WWOX: variants seen among roughly 807,000 people sequenced by gnomAD.
The protein encoded by WWOX is WW domain containing oxidoreductase, also known as WW domain-containing oxidoreductase.
WWOX carries 69 observed loss-of-function variants against 46.2 expected under a neutral mutation model. The observed-to-expected ratio is 1.49, with a 90% confidence interval of 1.23 to 1.82. The LOEUF is 1.82. WWOX is among the 40% of genes most tolerant of loss of function. WWOX has a pLI of 0.00. For missense variants in WWOX, 919 were observed against 542.6 expected (o/e 1.69, Z -6.89); for synonymous variants, 359 against 202.6 (o/e 1.77, Z -6.56).
chr16:79,129,074 A>C (rs1337888485), intron 8 of WWOX, among the ~76,000 whole-genome samples: 1 of 152,122 alleles, frequency 6.6e-6, no homozygotes, highest in African/African-American at 2.4e-5. Context: ...TTATGCTGAG[A>C]GTTTGCAAGT....
At chr16:78,594,101 A>C (rs1171881716) in intron 8 of WWOX, among the ~76,000 whole-genome samples, 2 of 152,032 alleles carry the variant, frequency 1.3e-5, no homozygotes, top group African/African-American at 2.4e-5. Context: ...TGATAAAGTC[A>C]CTTCTCAACT....
intron 8 of WWOX, among the ~76,000 whole-genome samples, chr16:78,795,934 A>C (rs2050724486): frequency 6.6e-6 from 1 of 152,212 alleles, no homozygotes; most frequent in Admixed American, 6.5e-5. Context: ...AACGAAATGG[A>C]AGATAATTGA....
At chr16:78,565,470 A>G (rs150728060) in intron 8 of WWOX, among the ~76,000 whole-genome samples, 299 of 151,994 alleles carry the variant, frequency 2.0e-3, no homozygotes, top group African/African-American at 6.9e-3. Flanking sequence ...CATCTCCTTT[A>G]CTGATTCCTC....
chr16:78,963,879 A>G (rs2046317799), intron 8 of WWOX, among the ~76,000 whole-genome samples: 2 of 152,266 alleles, frequency 1.3e-5, no homozygotes, highest in African/African-American at 2.4e-5. Context: ...GAGGTAATTG[A>G]ATCATGGGGG....
chr16:78,862,449 G>A (rs969060661), intron 8 of WWOX, among the ~76,000 whole-genome samples: 1 of 151,634 alleles, frequency 6.6e-6, no homozygotes, highest in Admixed American at 6.6e-5. Flanking sequence ...TATATATATA[G>A]TATTCAATAT....
At chr16:78,419,625 C>CGAAAAAAAAAAAAA (rs1491558183) in intron 6 of WWOX, among the ~76,000 whole-genome samples, 1 of 44,692 alleles carries the variant, frequency 2.2e-5, no homozygotes. Flanking sequence ...CAAAAAATAG[C>CGAAAAAAAAAAAAA]AAAAAAAAAA....
chr16:78,330,610 T>C (rs8059699), intron 5 of WWOX, among the ~76,000 whole-genome samples: 20,657 of 152,236 alleles, frequency 0.14, 1,609 homozygotes, highest in East Asian at 0.31. Context: ...TTGGCCGGGA[T>C]GCTCTCGATC....
chr16:78,392,234 C>G (rs1232563541), intron 6 of WWOX, among the ~76,000 whole-genome samples: 1 of 152,090 alleles, frequency 6.6e-6, no homozygotes, highest in African/African-American at 2.4e-5. Flanking sequence ...CCTGTCAGAT[C>G]AGCAACAGCA....
At chr16:78,220,821 A>G (rs1215177185) in intron 5 of WWOX, among the ~76,000 whole-genome samples, 1 of 152,194 alleles carries the variant, frequency 6.6e-6, no homozygotes, top group Non-Finnish European at 1.5e-5. Flanking sequence ...AGGTTGTTCT[A>G]CAGAGAAACA....
intron 8 of WWOX, among the ~76,000 whole-genome samples, chr16:78,776,495 C>A (rs1279425532): frequency 6.6e-6 from 1 of 152,058 alleles, no homozygotes; most frequent in Non-Finnish European, 1.5e-5. Context: ...TAAATAGCAC[C>A]TGGAAAAGTG....
Position 79,003,441 on chromosome 16 carries a change from G to A in WWOX, c.1057-208167G>A, listed in dbSNP as rs113527508. Among the ~76,000 whole-genome samples the A allele has an allele frequency of 7.2e-3, 1,100 of 152,260 alleles. 9 individuals are homozygous for A. The highest frequency in any genetic ancestry group is 0.025 in the African/African-American group (1,048 of 41,526). On this transcript the variant is annotated intron_variant, in intron 8 of 8. Transcript: ENST00000566780. ...CTTATCTATTGCTGAGTAACAAGGT[G>A]TACCCCTCAATTTACTGGCGTAAAA... is the stretch of plus-strand genomic sequence containing the variant.
chr16:78,597,943 G>A (rs1597326181), intron 8 of WWOX, among the ~76,000 whole-genome samples: 1 of 152,030 alleles, frequency 6.6e-6, no homozygotes, highest in African/African-American at 2.4e-5. Context: ...TTTGGGTCAT[G>A]TTTTGCGGTA....
chr16:78,368,224 G>A (rs2151918786), intron 5 of WWOX, among the ~76,000 whole-genome samples: 1 of 152,286 alleles, frequency 6.6e-6, no homozygotes, highest in East Asian at 1.9e-4. Flanking sequence ...GTTCTCAAAA[G>A]CCTTCAATTA....
intron 8 of WWOX, among the ~76,000 whole-genome samples, chr16:78,718,708 G>A (rs568645526): frequency 2.0e-5 from 3 of 152,056 alleles, no homozygotes; most frequent in African/African-American, 7.3e-5. Context: ...ACACTACCTA[G>A]ATAGCTTAGG....
At chr16:78,717,821 C>T (rs769344304) in intron 8 of WWOX, among the ~76,000 whole-genome samples, 2 of 152,064 alleles carry the variant, frequency 1.3e-5, no homozygotes, top group Admixed American at 1.3e-4. Flanking sequence ...TTTCTCCTTC[C>T]TGCTATTTAT....
intron 8 of WWOX, among the ~76,000 whole-genome samples, chr16:78,913,620 A>T (rs1348369860): frequency 6.6e-6 from 1 of 151,464 alleles, no homozygotes; most frequent in African/African-American, 2.4e-5. Context: ...TCATAGTAGC[A>T]AGCATTACCC....
chr16:78,231,135 A>G (rs184764216), intron 5 of WWOX, among the ~76,000 whole-genome samples: 2 of 152,302 alleles, frequency 1.3e-5, no homozygotes, highest in East Asian at 3.9e-4. Flanking sequence ...GTTTTGCTTC[A>G]GACTTAGTTT....
chr16:78,376,769 C>T (rs999087353), intron 5 of WWOX, among the ~76,000 whole-genome samples: 3 of 152,150 alleles, frequency 2.0e-5, no homozygotes, highest in Admixed American at 1.3e-4. Context: ...GTTAGAATGG[C>T]CTCTGGTTGA....
rs1597315439 is a variant in WWOX at position 78,178,858 on chromosome 16, C to T, written c.516+14569C>T. 8.1e-5 allele frequency among the ~76,000 whole-genome samples: 7 copies of T among 86,332 alleles called. No individual in the cohort carries two copies. In the South Asian group the frequency reaches 1.1e-3, roughly 14 times the overall value. The allele number at this position is 86,332 out of a possible 152,430, so 56.6% of individuals were successfully genotyped here. A position where few individuals can be genotyped will look rare whatever the true frequency, so the allele number is the denominator to read the frequency against. On this transcript the variant is annotated intron_variant, in intron 5 of 8. Transcript: ENST00000566780. ...CAGCCTGGGCGACAGAGCGAGATTCCGTCTCAAAAAAAAAAAAAAAGTAAT... is the reference window on the plus strand; with the variant it reads ...CAGCCTGGGCGACAGAGCGAGATTCTGTCTCAAAAAAAAAAAAAAAGTAAT...
Sources: allele counts gnomAD v4.1 joint callset (sites outside exome capture counted in the v4.1 genomes callset), GRCh38; gene constraint gnomAD v4.1.1; transcripts MANE v1.5; gene names NCBI Gene and HGNC (gene_info 2026-07-23, HGNC 2026-07-21).